Variants in GSE1 observed in about 807,000 individuals in gnomAD.
The protein encoded by GSE1 is genetic suppressor element 1.
In GSE1, 32 loss-of-function variants were observed where a neutral mutation model predicts 112.6. The ratio of observed to expected loss-of-function variants is 0.28; its 90% CI spans 0.21 to 0.38. The LOEUF (loss-of-function observed/expected upper bound fraction) is 0.38. Among genes scored for constraint, GSE1 ranks in the 10% least tolerant of loss-of-function variants. GSE1 has a pLI of 1.00. For missense variants in GSE1, 2,348 were observed against 1,699.2 expected (o/e 1.38, Z -6.71); for synonymous variants, 1,115 against 735.6 (o/e 1.52, Z -8.35).
chr16:85,378,839 C>T (rs914691104), intron 2 of GSE1, among the ~76,000 whole-genome samples: 13 of 152,300 alleles, frequency 8.5e-5, no homozygotes, highest in East Asian at 7.7e-4. Flanking sequence ...AGTCTCCTCC[C>T]GGCTCTGCTG....
intron 2 of GSE1, among the ~76,000 whole-genome samples, chr16:85,640,646 C>T (rs1226880217): frequency 7.2e-5 from 11 of 152,232 alleles, no homozygotes; most frequent in Non-Finnish European, 1.5e-4. Flanking sequence ...TCATGAGCTG[C>T]CGTGGGAATG....
At chr16:85,644,794 A>T (rs1253123859) in intron 2 of GSE1, among the ~76,000 whole-genome samples, 1 of 151,906 alleles carries the variant, frequency 6.6e-6, no homozygotes, top group East Asian at 1.9e-4. Flanking sequence ...ATTACGCGGG[A>T]TGGAATCATA....
At chr16:85,622,546 C>G (rs769347966) in intron 1 of GSE1, among the ~76,000 whole-genome samples, 1 of 152,218 alleles carries the variant, frequency 6.6e-6, no homozygotes, top group Non-Finnish European at 1.5e-5. Flanking sequence ...CAGATAGGCT[C>G]TTCGAACTTG....
At chr16:85,367,184 C>T (rs1351068965) in intron 2 of GSE1, among the ~76,000 whole-genome samples, 23 of 152,248 alleles carry the variant, frequency 1.5e-4, no homozygotes, top group Non-Finnish European at 3.4e-4. Context: ...AAGAGTGCCA[C>T]CCTTGCCCTC....
At chr16:85,436,858 TC>T (rs1328865931) in intron 2 of GSE1, among the ~76,000 whole-genome samples, 1 of 152,146 alleles carries the variant, frequency 6.6e-6, no homozygotes, top group East Asian at 1.9e-4. Context: ...TGGGCTCGGT[TC>T]CCCCATCCCA....
intron 1 of GSE1, among the ~76,000 whole-genome samples, chr16:85,603,880 C>T (rs183560537): frequency 6.6e-6 from 1 of 152,302 alleles, no homozygotes; most frequent in African/African-American, 2.4e-5. Context: ...TACAGTTCAG[C>T]GGCATTTAGT....
chr16:85,282,368 C>T (rs908763642), intron 1 of GSE1, among the ~76,000 whole-genome samples: 21 of 152,098 alleles, frequency 1.4e-4, no homozygotes, highest in Non-Finnish European at 1.9e-4. Flanking sequence ...AATTTGCCAC[C>T]GACCTGCCTC....
intron 2 of GSE1, among the ~76,000 whole-genome samples, chr16:85,517,781 C>A (rs2052001738): frequency 6.6e-6 from 1 of 152,266 alleles, no homozygotes; most frequent in South Asian, 2.1e-4. Context: ...GAGCCCCGTG[C>A]ACGGAGCCAG....
At chr16:85,204,756 G>T (rs918930709) in intron 1 of GSE1, among the ~76,000 whole-genome samples, 1 of 152,234 alleles carries the variant, frequency 6.6e-6, no homozygotes, top group African/African-American at 2.4e-5. Context: ...AGCAAGCTGA[G>T]CTCACAGGGT....
At chr16:85,503,925 A>G (rs1298351002) in intron 2 of GSE1, among the ~76,000 whole-genome samples, 1 of 152,238 alleles carries the variant, frequency 6.6e-6, no homozygotes, top group South Asian at 2.1e-4. Flanking sequence ...TAGGACCGGC[A>G]GTGCGGAAGA....
chr16:85,468,977 G>C (rs2050205202), intron 2 of GSE1, among the ~76,000 whole-genome samples: 1 of 152,196 alleles, frequency 6.6e-6, no homozygotes, highest in Admixed American at 6.5e-5. Context: ...GCCAGAGGCT[G>C]GGCGTGGTGG....
intron 1 of GSE1, among the ~76,000 whole-genome samples, chr16:85,619,389 A>T (rs1010908247): frequency 2.1e-4 from 31 of 146,494 alleles, no homozygotes; most frequent in Non-Finnish European, 3.9e-4. Flanking sequence ...CTATATGTCA[A>T]GCTGAGCACA....
At chr16:85,332,059 G>A (rs1318399220) in intron 1 of GSE1, among the ~76,000 whole-genome samples, 1 of 151,332 alleles carries the variant, frequency 6.6e-6, no homozygotes, top group Non-Finnish European at 1.5e-5. Flanking sequence ...ACCATCTGGG[G>A]GCTCCTGTCC....
intron 1 of GSE1, among the ~76,000 whole-genome samples, chr16:85,280,629 C>G (rs1290160432): frequency 1.3e-5 from 2 of 152,224 alleles, no homozygotes; most frequent in Non-Finnish European, 2.9e-5. Flanking sequence ...CTTCTGACCT[C>G]AAGTGATCCG....
chr16:85,554,926 G>C (rs956227520), upstream of GSE1: 51 of 985,394 alleles, frequency 5.2e-5, no homozygotes, highest in African/African-American at 8.4e-4. Context: ...CCTGCCTTCG[G>C]CAGCGGCACC....
chr16:85,186,635 G>T (rs978891165), intron 1 of GSE1, among the ~76,000 whole-genome samples: 3 of 151,740 alleles, frequency 2.0e-5, no homozygotes, highest in African/African-American at 7.3e-5. Context: ...AGCCGTGTGT[G>T]GTGGCGCATG....
At chr16:85,470,965 T>C (rs1200076674) in intron 2 of GSE1, among the ~76,000 whole-genome samples, 1 of 152,260 alleles carries the variant, frequency 6.6e-6, no homozygotes, top group African/African-American at 2.4e-5. Context: ...CGTTGCCATC[T>C]GGCAGACACG....
At chr16:85,446,406 G>A (rs965529383) in intron 2 of GSE1, among the ~76,000 whole-genome samples, 2 of 152,298 alleles carry the variant, frequency 1.3e-5, no homozygotes, top group Non-Finnish European at 2.9e-5. Flanking sequence ...TGCTGGAGAC[G>A]ATCTGCTGTA....
At chr16:85,176,431 G>C (rs1293739111) in intron 1 of GSE1, among the ~76,000 whole-genome samples, 1 of 152,238 alleles carries the variant, frequency 6.6e-6, no homozygotes, top group African/African-American at 2.4e-5. Flanking sequence ...CTGCACCCCT[G>C]AGTTTCTTTG....
Sources: gnomAD v4.1 joint callset for allele counts (sites outside exome capture counted in the v4.1 genomes callset) on GRCh38, gnomAD v4.1.1 for gene constraint, MANE v1.5 for transcripts, NCBI Gene and HGNC (gene_info 2026-07-23, HGNC 2026-07-21) for gene names.